SSC4D: variants seen among roughly 807,000 people sequenced by gnomAD.
SSC4D encodes scavenger receptor cysteine-rich domain-containing group B protein.
In SSC4D, 57 loss-of-function variants were observed where a neutral mutation model predicts 63.4. That is an observed-to-expected ratio of 0.90 (90% CI 0.73 to 1.12). The LOEUF is 1.12. Among genes scored for constraint, SSC4D ranks in the 50% most tolerant of loss-of-function variants. The probability of loss-of-function intolerance (pLI) is 0.00; values close to 1 mark genes in which losing one functional copy is unlikely to be tolerated. For missense variants in SSC4D, 791 were observed against 806.4 expected, an observed-to-expected ratio of 0.98 and a Z score of 0.23; for synonymous variants, 352 against 345.4, an observed-to-expected ratio of 1.02 and a Z score of -0.21.
chr7:76,391,881 T>G, intron 10 of SSC4D, 83 bp downstream of exon 10: 1 of 1,395,990 alleles, frequency 7.2e-7, no homozygotes, highest in Non-Finnish European at 9.9e-7. Flanking sequence ...CTGAGCTTTA[T>G]AACCTAGGCT....
chr7:76,397,419 C>G, intron 6 of SSC4D, 99 bp downstream of exon 6: 1 of 1,374,848 alleles, frequency 7.3e-7, no homozygotes, highest in South Asian at 1.5e-5. Context: ...GCCAAAACAC[C>G]CTCCCCATCC....
intron 9 of SSC4D, 33 bp downstream of exon 9, chr7:76,393,372 C>G (rs780411833): frequency 8.3e-5 from 109 of 1,314,458 alleles, no homozygotes; most frequent in Non-Finnish European, 1.0e-4. Context: ...TGCGCGGCCC[C>G]GCTGTCAGCC....
intron 7 of SSC4D, 29 bp downstream of exon 7, chr7:76,395,224 A>G (rs200315241): frequency 2.0e-5 from 32 of 1,612,446 alleles, no homozygotes; most frequent in Middle Eastern, 1.8e-4. Context: ...TACCCCTACC[A>G]TTCCCGCCTG....
At position 76,393,474 on chromosome 7, in the gene SSC4D, C is replaced by T. The variant is rs757931658; in HGVS notation, c.1264G>A (p.Asp422Asn). 5 of 1,527,366 alleles carry T rather than the reference C, an allele frequency of 3.3e-6. No homozygotes were observed. The African/African-American group carries it at 7.1e-5, about 22-fold the overall frequency. 94.6% of individuals were successfully genotyped at this position (1,527,366 alleles called of 1,614,324 possible). The change falls in exon 9 of 11, where the codon GAC becomes AAC. Residue 422 changes from aspartate to asparagine, a missense_variant. By Grantham distance (23) the Asp-to-Asn change is conservative (BLOSUM62 1). Coordinates refer to ENST00000275560, the MANE Select transcript of SSC4D (RefSeq NM_080744.2). ...TGGCCCCAGCCCAGGTGGAAGCAGT[C>T]GCTCAGGCGAGCCTCGGTGCCGGCG... is the stretch of plus-strand genomic sequence containing the variant. ...GCAGTEARLS[D>N]CFHLGWGQHN...
At chr7:76,403,899 G>C (rs1373772860) in intron 2 of SSC4D, among the ~76,000 whole-genome samples, 3 of 152,100 alleles carry the variant, frequency 2.0e-5, no homozygotes, top group Non-Finnish European at 4.4e-5. Context: ...CTGATCTCAG[G>C]TGATCTTTCC....
intron 4 of SSC4D, among the ~76,000 whole-genome samples, chr7:76,399,918 G>C (rs76963465): frequency 0.031 from 4,688 of 152,214 alleles, 139 homozygotes; most frequent in East Asian, 0.14. Context: ...TTGAGCCCAG[G>C]AGTTTGAGGC....
chr7:76,390,107 G>A lies in SSC4D; in HGVS notation c.1680C>T (p.His560=). The A allele has an allele frequency of 6.2e-7, 1 of 1,614,234 alleles. No individual in the cohort carries two copies. The highest frequency in any genetic ancestry group is 1.1e-5 in the South Asian group (1 of 91,090). Residue 560 remains histidine, a synonymous_variant, in exon 11 of 11, where the codon CAC becomes CAT. Coordinates refer to ENST00000275560, the MANE Select transcript of SSC4D (RefSeq NM_080744.2). ...TGGCATCCTCGCTGTGGTCACAGTT[G>A]TGGGCATCCCAGCGGATATGAGAGC... ...LLCSHIRWDA[H]NCDHSEDASV... is the part of the protein sequence containing the mutation.
intron 3 of SSC4D, 144 bp downstream of exon 3, chr7:76,400,864 A>G (rs1804800943): frequency 8.2e-7 from 1 of 1,225,796 alleles, no homozygotes; most frequent in African/African-American, 1.5e-5. Context: ...CCTTCTGGAA[A>G]ATGGGGAGAC....
chr7:76,399,725 A>G (rs1025830470), intron 4 of SSC4D, among the ~76,000 whole-genome samples: 10 of 151,910 alleles, frequency 6.6e-5, no homozygotes, highest in South Asian at 4.1e-4. Context: ...ATAAGGTACT[A>G]TGTTCCCAAG....
chr7:76,390,267 G>C lies in SSC4D; in HGVS notation c.1520C>G (p.Ala507Gly). Reference protein sequence around the residue: ...VCDDAWDLRAAGVLCRQLGCG... With the variant: ...VCDDAWDLRAGGVLCRQLGCG... ...GCCCAGCTGGCGGCACAGGACACCGGCTGCCCGCAGGTCCCAAGCATCATC... is the reference window on the plus strand; with the variant it reads ...GCCCAGCTGGCGGCACAGGACACCGCCTGCCCGCAGGTCCCAAGCATCATC... Residue 507 changes from alanine (A) to glycine (G), a missense_variant, in exon 11 of 11, where the codon GCC (alanine) becomes GGC (glycine). Coordinates refer to ENST00000275560, the MANE Select transcript of SSC4D (RefSeq NM_080744.2). 6.2e-7 allele frequency: 1 copy of C among 1,613,982 alleles called. No individual in the cohort carries two copies. Among genetic ancestry groups the C allele is most frequent in the Non-Finnish European group, 8.5e-7 (1 of 1,179,940 alleles).
At chr7:76,405,987 T>C (rs1584034528) in intron 1 of SSC4D, among the ~76,000 whole-genome samples, 1 of 143,768 alleles carries the variant, frequency 7.0e-6, no homozygotes, top group South Asian at 2.3e-4. Flanking sequence ...TCCTTTCTTT[T>C]CTTTTCTTTT....
chr7:76,393,298 C>T (rs1317391364), intron 9 of SSC4D, 107 bp downstream of exon 9: 1 of 1,175,772 alleles, frequency 8.5e-7, no homozygotes, highest in Non-Finnish European at 1.1e-6. Flanking sequence ...CGCATGCTCC[C>T]CGGGCGGCAG....
chr7:76,393,273 C>G (rs1010260023), intron 9 of SSC4D, 132 bp downstream of exon 9: 1 of 968,776 alleles, frequency 1.0e-6, no homozygotes. Flanking sequence ...CGGGGCGGCG[C>G]CCCTCTGCGG....
chr7:76,407,479 G>T (rs1363242739), intron 1 of SSC4D, among the ~76,000 whole-genome samples: 2 of 152,084 alleles, frequency 1.3e-5, no homozygotes, highest in East Asian at 3.9e-4. Context: ...TTACAGGCGG[G>T]TATCACCACG....
intron 6 of SSC4D, among the ~76,000 whole-genome samples, chr7:76,395,992 G>A (rs552209139): frequency 1.3e-5 from 2 of 152,252 alleles, no homozygotes; most frequent in Non-Finnish European, 2.9e-5. Flanking sequence ...ACCGCGCCCA[G>A]CCCATTATCC....
chr7:76,397,578 T>C lies in SSC4D; in HGVS notation c.808A>G (p.Ser270Gly), dbSNP rs1487659623. 6.2e-7 allele frequency: 1 copy of C among 1,609,446 alleles called. No homozygotes were observed. The highest frequency in any genetic ancestry group is 1.7e-5 in the Admixed American group (1 of 59,280). The change falls in exon 6 of 11, where the codon AGC becomes GGC. Residue 270 changes from serine (S) to glycine (G), a missense_variant. By Grantham distance (56) the Ser-to-Gly change is moderately conservative (BLOSUM62 0). Transcript: ENST00000275560. Reference protein sequence around the residue: ...GGEPRLAACQSLGWGVHNCGH... With the variant: ...GGEPRLAACQGLGWGVHNCGH... The stretch of plus-strand genomic sequence containing the variant: ...CAGTTGTGCACACCCCAGCCCAGGC[T>C]CTGGCAGGCTGCCAGGCGGGGCTCG...
At position 76,390,306 on chromosome 7, in the gene SSC4D, C is replaced by A; in HGVS notation, c.1481G>T (p.Trp494Leu). 6.2e-7 allele frequency: 1 copy of A among 1,611,896 alleles called. No homozygotes were observed. Among genetic ancestry groups the A allele is most frequent in the Non-Finnish European group, 8.5e-7 (1 of 1,179,096 alleles). Residue 494 changes from tryptophan (W) to leucine (L), a missense_variant, in exon 11 of 11, where the codon TGG (tryptophan) becomes TTG (leucine). Trp to Leu is a moderately conservative substitution (Grantham distance 61). Transcript: ENST00000275560. ...GRVELYLGQRWGTVCDDAWDL... is the reference protein window; with the variant it reads ...GRVELYLGQRLGTVCDDAWDL... ...CCAAGCATCATCACAGACAGTGCCC[C>A]ACCGTTGCCCTAGGTAGAGCTCTAC...
Position 76,401,119 on chromosome 7 carries a change from A to C in SSC4D, c.134-76T>G, listed in dbSNP as rs1379537099. The C allele has an allele frequency of 4.1e-6, 6 of 1,465,600 alleles. No individual in the cohort carries two copies. The African/African-American group carries it at 5.7e-5, about 14-fold the overall frequency. The allele number at this position is 1,465,600 out of a possible 1,614,324, so 90.8% of individuals were successfully genotyped here. ...CCTGGTCCCAGGAACACACCCCCCAACTCCCACAGTCCTCAACATTACCCC... is the reference window on the plus strand; with the variant it reads ...CCTGGTCCCAGGAACACACCCCCCACCTCCCACAGTCCTCAACATTACCCC... On this transcript the variant is annotated intron_variant, in intron 2 of 10. Transcript: ENST00000275560.
intron 9 of SSC4D, among the ~76,000 whole-genome samples, chr7:76,392,654 G>A (rs779626047): frequency 7.9e-5 from 12 of 151,944 alleles, no homozygotes; most frequent in African/African-American, 2.7e-4. Context: ...AGCCAGGCAC[G>A]GTGGCATGCC....
Sources: gnomAD v4.1 joint callset for allele counts (sites outside exome capture counted in the v4.1 genomes callset) on GRCh38, gnomAD v4.1.1 for gene constraint, MANE v1.5 for transcripts, NCBI Gene and HGNC (gene_info 2026-07-23, HGNC 2026-07-21) for gene names.